The following KCNK2 variants were observed in gnomAD, a reference collection of about 807,000 sequenced individuals.
KCNK2 encodes potassium two pore domain channel subfamily K member 2, also known as potassium channel subfamily K member 2.
In KCNK2, 21 loss-of-function variants were observed where a neutral mutation model predicts 40.5. The ratio of observed to expected loss-of-function variants is 0.52; its 90% confidence interval spans 0.37 to 0.75. The LOEUF is 0.75. KCNK2 is among the 30% of genes least tolerant of loss of function. The pLI is 0.00. For missense variants in KCNK2, 399 were observed against 531.6 expected (o/e 0.75, Z 2.45); for synonymous variants, 191 against 202.2 (o/e 0.94, Z 0.47).
chr1:215,008,316 G>C (rs891886059), intron 1 of KCNK2, among the ~76,000 whole-genome samples: 22 of 151,950 alleles, frequency 1.4e-4, no homozygotes, highest in African/African-American at 5.1e-4. Flanking sequence ...ATTTTTTTCT[G>C]GTTACTTGTT....
intron 2 of KCNK2, among the ~76,000 whole-genome samples, chr1:215,099,269 G>T (rs2102548288): frequency 6.6e-6 from 1 of 151,880 alleles, no homozygotes; most frequent in South Asian, 2.1e-4. Flanking sequence ...ATGTTATCTG[G>T]CTTTCTGTTC....
rs563674105 is a variant in KCNK2 at position 215,012,308 on chromosome 1, G to C, written c.34+6353G>C. On this transcript the variant is annotated intron_variant, in intron 1 of 6. Coordinates refer to the KCNK2 transcript ENST00000391895. ...CTAGTTACTTCGCATTTTTGCCAGT[G>C]CTTGGTATTGATGGCTTTTTGTTTT... Among the ~76,000 whole-genome samples, 182 of 152,228 alleles carry C rather than the reference G, an allele frequency of 1.2e-3. 1 individual carries two copies. Among genetic ancestry groups the C allele is most frequent in the African/African-American group, 4.2e-3 (173 of 41,558 alleles).
chr1:215,147,026 G>A (rs1186397178), intron 3 of KCNK2, among the ~76,000 whole-genome samples: 1 of 152,310 alleles, frequency 6.6e-6, no homozygotes, highest in African/African-American at 2.4e-5. Context: ...TATAGTAATA[G>A]AGTGATGTCA....
rs1212592339 is a variant in KCNK2 at position 215,109,684 on chromosome 1, A to G, written c.358-14949A>G. Among the ~76,000 whole-genome samples, 10 of 152,170 alleles carry G rather than the reference A, an allele frequency of 6.6e-5. No individual in the cohort carries two copies. The South Asian group carries it at 2.1e-3, about 32-fold the overall frequency. ...TGGAAATTGTGCTGCAATAAACATG[A>G]GAGTACAGTACAATATGTCCCTTTG... On this transcript the variant is annotated intron_variant, in intron 2 of 6. Transcript: ENST00000444842.
At position 215,169,347 on chromosome 1, in the gene KCNK2, A is replaced by G; in HGVS notation, c.624A>G (p.Glu208=). 6.2e-7 allele frequency: 1 copy of G among 1,610,386 alleles called. No individual in the cohort carries two copies. The highest frequency in any genetic ancestry group is 8.5e-7 in the Non-Finnish European group (1 of 1,177,806). ...TTGGAAAAGGAATTGCCAAAGTGGA[A>G]GATACGTTTATTGTGAGTATGATAG... ...TIFGKGIAKV[E]DTFIKWNVSQ... Residue 208 remains glutamate (E), a synonymous_variant, in exon 4 of 7, where the codon GAA becomes GAG. Transcript: ENST00000444842.
At chr1:215,230,032 CATATATAGATATATATACACACAGATAT>C (rs1407830405) in intron 6 of KCNK2, among the ~76,000 whole-genome samples, 1,562 of 140,362 alleles carry the variant, frequency 0.011, 27 homozygotes, top group African/African-American at 0.04. Context: ...TATATATATA[CATATATAGATATATATACACACAGATAT>C]ATATATAGAT....
intron 1 of KCNK2, among the ~76,000 whole-genome samples, chr1:215,057,216 G>A (rs1208327709): frequency 7.0e-6 from 1 of 142,776 alleles, no homozygotes; most frequent in Non-Finnish European, 1.5e-5. Flanking sequence ...TTTTTTTTTT[G>A]GAGTGAAGTT....
At chr1:215,027,390 C>T (rs1167700039) in intron 1 of KCNK2, among the ~76,000 whole-genome samples, 3 of 151,940 alleles carry the variant, frequency 2.0e-5, no homozygotes, top group South Asian at 2.1e-4. Context: ...TGGTAAATAT[C>T]GGAAATATTT....
chr1:215,159,736 T>A (rs1225677585), intron 3 of KCNK2, among the ~76,000 whole-genome samples: 5 of 152,154 alleles, frequency 3.3e-5, no homozygotes, highest in African/African-American at 1.2e-4. Context: ...TCATAAAGTG[T>A]TTCCCTACAA....
At chr1:215,111,051 G>T (rs10779639) in intron 2 of KCNK2, among the ~76,000 whole-genome samples, 86,388 of 151,854 alleles carry the variant, frequency 0.57, 26,481 homozygotes, top group Non-Finnish European at 0.68. Context: ...CCCATAATTT[G>T]CTTTTTCAGA....
At chr1:215,155,543 C>T (rs1662878876) in intron 3 of KCNK2, among the ~76,000 whole-genome samples, 1 of 152,002 alleles carries the variant, frequency 6.6e-6, no homozygotes, top group Non-Finnish European at 1.5e-5. Context: ...TATTTAGAGA[C>T]CGAGCCTTGC....
At chr1:215,114,046 A>G (rs1660817185) in intron 2 of KCNK2, among the ~76,000 whole-genome samples, 3 of 151,858 alleles carry the variant, frequency 2.0e-5, no homozygotes, top group South Asian at 2.1e-4. Flanking sequence ...GTGACTTTTG[A>G]CTTTTCTCTT....
In KCNK2 at chr1:215,179,157, GTC is replaced by G. The variant is rs1220678185; in HGVS notation, c.823+6978_823+6979del. 2.0e-5 allele frequency among the ~76,000 whole-genome samples: 3 copies of G among 151,944 alleles called. No individual in the cohort carries two copies. In the East Asian group the frequency reaches 5.8e-4, roughly 29 times the overall value. ...TGTGTGCATAGAAATGTTCATGATAGTCTCTGAGAATCTTTTGGACTTCTGTG... is the reference window on the plus strand; with the variant it reads ...TGTGTGCATAGAAATGTTCATGATAGTCTGAGAATCTTTTGGACTTCTGTG... On this transcript the variant is annotated intron_variant, in intron 5 of 6. Coordinates refer to ENST00000444842, the MANE Select transcript of KCNK2 (RefSeq NM_001017425.3).
At chr1:215,204,646 A>C (rs1665233350) in intron 6 of KCNK2, among the ~76,000 whole-genome samples, 1 of 71,244 alleles carries the variant, frequency 1.4e-5, no homozygotes, top group South Asian at 6.1e-4. Context: ...ACTTGCCTGT[A>C]TTCAGAGCTA....
intron 3 of KCNK2, among the ~76,000 whole-genome samples, chr1:215,132,980 T>C (rs1166722151): frequency 6.6e-6 from 1 of 152,210 alleles, no homozygotes; most frequent in Non-Finnish European, 1.5e-5. Flanking sequence ...GTAAAGGGAT[T>C]TGAGAACATT....
At chr1:215,192,766 T>C (rs956178334) in intron 5 of KCNK2, among the ~76,000 whole-genome samples, 1 of 152,174 alleles carries the variant, frequency 6.6e-6, no homozygotes, top group African/African-American at 2.4e-5. Context: ...TTATAATTAT[T>C]CCCAGAAATA....
intron 4 of KCNK2, 62 bp from the exon 5 acceptor site, chr1:215,171,934 CT>C: frequency 8.9e-7 from 1 of 1,129,076 alleles, no homozygotes; most frequent in Non-Finnish European, 1.2e-6. Flanking sequence ...CTCTCTCTCT[CT>C]CTCTCTCCCC....
intron 1 of KCNK2, among the ~76,000 whole-genome samples, chr1:215,008,655 C>T (rs928758109): frequency 5.9e-5 from 9 of 152,112 alleles, no homozygotes; most frequent in Admixed American, 1.3e-4. Flanking sequence ...GATGGTTAAA[C>T]GACATGGGCT....
At chr1:215,175,784 G>A (rs968413879) in intron 5 of KCNK2, among the ~76,000 whole-genome samples, 4 of 152,022 alleles carry the variant, frequency 2.6e-5, no homozygotes, top group South Asian at 4.2e-4. Flanking sequence ...ATTCAGTTAG[G>A]ATAATGGTCT....
Sources: allele counts gnomAD v4.1 joint callset (sites outside exome capture counted in the v4.1 genomes callset), GRCh38; gene constraint gnomAD v4.1.1; transcripts MANE v1.5; gene names NCBI Gene and HGNC (gene_info 2026-07-23, HGNC 2026-07-21).